ACVR1C: variants seen among roughly 807,000 people sequenced by gnomAD.
ACVR1C encodes the protein activin A receptor type 1C, also known as activin receptor type-1C.
ACVR1C carries 23 observed loss-of-function variants against 57.9 expected under a neutral mutation model. That is an observed-to-expected ratio of 0.40 (90% CI 0.29 to 0.56). The LOEUF (loss-of-function observed/expected upper bound fraction) is 0.56, where lower values mean the gene tolerates loss of function less well. ACVR1C is among the 20% of genes least tolerant of loss of function. The probability of loss-of-function intolerance (pLI) is 0.50; values close to 1 mark genes in which losing one functional copy is unlikely to be tolerated. For missense variants in ACVR1C, 480 were observed against 607.9 expected, an observed-to-expected ratio of 0.79 and a Z score of 2.21; for synonymous variants, 214 against 215.3, an observed-to-expected ratio of 0.99 and a Z score of 0.05.
intron 2 of ACVR1C, among the ~76,000 whole-genome samples, chr2:157,573,485 T>C (rs1036193606): frequency 1.3e-5 from 2 of 152,102 alleles, no homozygotes; most frequent in Non-Finnish European, 2.9e-5. Flanking sequence ...ACTTACCCTT[T>C]TAAGCACTGT....
intron 2 of ACVR1C, among the ~76,000 whole-genome samples, chr2:157,586,757 A>G (rs1195101369): frequency 1.3e-5 from 2 of 152,188 alleles, no homozygotes; most frequent in Non-Finnish European, 2.9e-5. Flanking sequence ...CCTGAAAAAA[A>G]GATTCTGTCC....
At chr2:157,620,445 C>T (rs891591185) in intron 1 of ACVR1C, among the ~76,000 whole-genome samples, 1 of 151,936 alleles carries the variant, frequency 6.6e-6, no homozygotes, top group Non-Finnish European at 1.5e-5. Flanking sequence ...AAAATGCCAT[C>T]GGATAAAGTT....
chr2:157,549,011 G>T (rs1022823363), intron 4 of ACVR1C, among the ~76,000 whole-genome samples: 16 of 152,128 alleles, frequency 1.1e-4, no homozygotes, highest in Non-Finnish European at 1.9e-4. Context: ...TGTCTGTATT[G>T]GTTATTAAAA....
At chr2:157,588,418 C>A (rs1688978600) in intron 1 of ACVR1C, among the ~76,000 whole-genome samples, 2 of 151,764 alleles carry the variant, frequency 1.3e-5, no homozygotes, top group Non-Finnish European at 2.9e-5. Context: ...ACTAAATAAG[C>A]TTTGTATTAT....
intron 3 of ACVR1C, among the ~76,000 whole-genome samples, chr2:157,552,503 T>C (rs1226390551): frequency 6.6e-6 from 1 of 152,190 alleles, no homozygotes; most frequent in East Asian, 1.9e-4. Flanking sequence ...TAACAATTAT[T>C]AGGCCAAATC....
intron 2 of ACVR1C, among the ~76,000 whole-genome samples, chr2:157,565,947 G>A (rs531651670): frequency 4.6e-5 from 7 of 152,070 alleles, no homozygotes; most frequent in Non-Finnish European, 7.4e-5. Context: ...GAATATAATC[G>A]CTGTCATAAA....
chr2:157,588,544 T>G (rs1478898013), intron 1 of ACVR1C, among the ~76,000 whole-genome samples: 3 of 151,796 alleles, frequency 2.0e-5, no homozygotes, highest in Non-Finnish European at 4.4e-5. Flanking sequence ...ACCCAAATGG[T>G]GTACATTGTA....
chr2:157,608,169 GATT>G (rs1682449127), intron 1 of ACVR1C, among the ~76,000 whole-genome samples: 2 of 151,822 alleles, frequency 1.3e-5, no homozygotes, highest in South Asian at 4.2e-4. Flanking sequence ...CCTATGCCTA[GATT>G]ATTGAGAGTT....
chr2:157,532,634 T>G lies in ACVR1C; in HGVS notation c.*1284A>C, dbSNP rs1193112670. The G allele has an allele frequency of 6.6e-6, 1 of 152,150 alleles. No homozygotes were observed. Among genetic ancestry groups the G allele is most frequent in the Non-Finnish European group, 1.5e-5 (1 of 68,010 alleles). The allele number at this position is 152,150 out of a possible 1,614,324, so 9.4% of individuals were successfully genotyped here. ...ATTTAATGTCCCATTAAATATTCATTACTCTGTGTCCACAGAAAGTAGAAT... is the reference window on the plus strand; with the variant it reads ...ATTTAATGTCCCATTAAATATTCATGACTCTGTGTCCACAGAAAGTAGAAT... On this transcript the variant is annotated 3_prime_UTR_variant, in exon 9 of 9. Coordinates refer to ENST00000243349, the MANE Select transcript of ACVR1C (RefSeq NM_145259.3).
At chr2:157,627,082 A>G (rs1031773755) in intron 1 of ACVR1C, among the ~76,000 whole-genome samples, 1 of 152,186 alleles carries the variant, frequency 6.6e-6, no homozygotes, top group South Asian at 2.1e-4. Flanking sequence ...GCTACATTTT[A>G]AAAAAATTGA....
In ACVR1C at chr2:157,550,146, A is replaced by G; in HGVS notation, c.775+16T>C. 1 of 1,612,290 alleles carries G rather than the reference A, an allele frequency of 6.2e-7. No homozygotes were observed. Among genetic ancestry groups the G allele is most frequent in the Non-Finnish European group, 8.5e-7 (1 of 1,178,384 alleles). ...CAGCATTTTTTACTTGTTGAACACA[A>G]TTAGATTGGAAATACCTTTGTTGTC... On this transcript the variant is annotated intron_variant, in intron 4 of 8. Coordinates refer to ENST00000243349, the MANE Select transcript of ACVR1C (RefSeq NM_145259.3).
intron 2 of ACVR1C, among the ~76,000 whole-genome samples, chr2:157,565,191 C>G (rs968616357): frequency 1.3e-5 from 2 of 152,050 alleles, no homozygotes; most frequent in Non-Finnish European, 2.9e-5. Context: ...ACGAGATATT[C>G]CATTCATGAT....
chr2:157,585,229 T>A (rs906669153), intron 2 of ACVR1C, among the ~76,000 whole-genome samples: 2 of 152,190 alleles, frequency 1.3e-5, no homozygotes, highest in Admixed American at 1.3e-4. Context: ...AATATGCTAA[T>A]TACCCAGATC....
intron 1 of ACVR1C, among the ~76,000 whole-genome samples, chr2:157,620,202 A>C (rs768516112): frequency 6.6e-6 from 1 of 152,096 alleles, no homozygotes; most frequent in Non-Finnish European, 1.5e-5. Context: ...TTATTCTATA[A>C]GGAATCTTCT....
chr2:157,606,538 T>A (rs1257724751), intron 1 of ACVR1C, among the ~76,000 whole-genome samples: 2 of 151,978 alleles, frequency 1.3e-5, no homozygotes, highest in Admixed American at 6.6e-5. Flanking sequence ...TGATTTGCAT[T>A]TCCCTGATGA....
intron 2 of ACVR1C, among the ~76,000 whole-genome samples, chr2:157,564,184 C>T (rs1483569155): frequency 1.3e-5 from 2 of 152,136 alleles, no homozygotes; most frequent in Admixed American, 1.3e-4. Context: ...AGGTAACCTA[C>T]AGAACGGAAG....
intron 2 of ACVR1C, among the ~76,000 whole-genome samples, chr2:157,556,567 T>C (rs1255021570): frequency 6.6e-6 from 1 of 151,638 alleles, no homozygotes; most frequent in Non-Finnish European, 1.5e-5. Flanking sequence ...ATTAGGATAA[T>C]GGAAACTAGC....
chr2:157,539,404 C>A (rs1573903279), intron 7 of ACVR1C, among the ~76,000 whole-genome samples: 1 of 152,072 alleles, frequency 6.6e-6, no homozygotes, highest in East Asian at 1.9e-4. Flanking sequence ...TCCAAGAAAT[C>A]CCTTATAAAA....
At chr2:157,538,316 C>A (rs544900666) in intron 8 of ACVR1C, among the ~76,000 whole-genome samples, 11 of 152,222 alleles carry the variant, frequency 7.2e-5, no homozygotes, top group Admixed American at 3.9e-4. Flanking sequence ...AGTTGCCTAA[C>A]CTGCAGAGCA....
Sources: allele counts gnomAD v4.1 joint callset (sites outside exome capture counted in the v4.1 genomes callset), GRCh38; gene constraint gnomAD v4.1.1; transcripts MANE v1.5; gene names NCBI Gene and HGNC (gene_info 2026-07-23, HGNC 2026-07-21).